DUSP19: variants seen among roughly 807,000 people sequenced by gnomAD.
DUSP19 encodes the protein dual specificity phosphatase 19.
A neutral mutation model predicts 16.6 loss-of-function variants in DUSP19; 14 were observed. The observed-to-expected ratio is 0.84, with a 90% CI of 0.56 to 1.32. The LOEUF (loss-of-function observed/expected upper bound fraction) is 1.32. DUSP19 is among the 40% of genes most tolerant of loss of function. The pLI, the probability that DUSP19 is intolerant of heterozygous loss-of-function variation, is 0.00. For missense variants in DUSP19, 258 were observed against 255.9 expected (o/e 1.01, Z -0.06); for synonymous variants, 81 against 90.5 (o/e 0.90, Z 0.59).
intron 2 of DUSP19, among the ~76,000 whole-genome samples, chr2:183,084,875 G>T (rs1365936939): frequency 6.6e-6 from 1 of 152,130 alleles, no homozygotes; most frequent in African/African-American, 2.4e-5. Flanking sequence ...GATGTGAGGG[G>T]TTTTTTAGAG....
chr2:183,084,625 C>T (rs1234829291), intron 2 of DUSP19, among the ~76,000 whole-genome samples: 1 of 151,926 alleles, frequency 6.6e-6, no homozygotes, highest in Non-Finnish European at 1.5e-5. Context: ...CCATGTAAGC[C>T]AAAGTTAGTT....
At chr2:183,086,206 A>T (rs1367348084) in intron 2 of DUSP19, among the ~76,000 whole-genome samples, 4 of 152,172 alleles carry the variant, frequency 2.6e-5, no homozygotes, top group African/African-American at 9.7e-5. Flanking sequence ...AGAGTTCATC[A>T]GGTGACTCTA....
chr2:183,094,306 A>G (rs1364030857), intron 3 of DUSP19, among the ~76,000 whole-genome samples: 2 of 152,180 alleles, frequency 1.3e-5, no homozygotes, highest in East Asian at 1.9e-4. Flanking sequence ...AAATAATCCA[A>G]TGAGTCATAA....
chr2:183,092,357 ATTAG>A (rs1291235617), intron 3 of DUSP19, among the ~76,000 whole-genome samples: 4 of 152,082 alleles, frequency 2.6e-5, no homozygotes, highest in African/African-American at 7.2e-5. Context: ...CCCAGCATGC[ATTAG>A]TTATTTTTCC....
Position 183,096,078 on chromosome 2 carries a change from T to C in DUSP19, c.*420T>C, listed in dbSNP as rs964928816. The C allele has an allele frequency of 6.5e-6, 1 of 152,894 alleles. No individual in the cohort carries two copies. The highest frequency in any genetic ancestry group is 2.4e-5 in the African/African-American group (1 of 41,458). 9.5% of individuals were successfully genotyped at this position (152,894 alleles called of 1,614,324 possible). A position where few individuals can be genotyped will look rare whatever the true frequency, so the allele number is the denominator to read the frequency against. On this transcript the variant is annotated 3_prime_UTR_variant, in exon 4 of 4. Transcript: ENST00000354221. ...TATTTCAAAGGGAAGTATATTTCTT[T>C]TTAAAGAATCTTTTTAAGATTAAAA...
At chr2:183,094,550 C>T (rs1326875816) in intron 3 of DUSP19, among the ~76,000 whole-genome samples, 1 of 152,140 alleles carries the variant, frequency 6.6e-6, no homozygotes, top group Non-Finnish European at 1.5e-5. Flanking sequence ...AGATCTATCA[C>T]ATTCATTATT....
At chr2:183,085,244 A>G (rs2105499027) in intron 2 of DUSP19, among the ~76,000 whole-genome samples, 1 of 152,316 alleles carries the variant, frequency 6.6e-6, no homozygotes, top group East Asian at 1.9e-4. Flanking sequence ...AAGAGGGCCT[A>G]TGACAGAATC....
Position 183,098,508 on chromosome 2 carries a change from A to G in DUSP19, c.*2850A>G, listed in dbSNP as rs1431842757. 2.0e-5 allele frequency: 3 copies of G among 152,178 alleles called. No homozygotes were observed. Among genetic ancestry groups the G allele is most frequent in the Non-Finnish European group, 4.4e-5 (3 of 68,040 alleles). 9.4% of individuals were successfully genotyped at this position (152,178 alleles called of 1,614,324 possible). ...CTTTATGATTACGGTCCTCTTTCTC[A>G]CATACTGCAAACTTAAAAGATACAT... On this transcript the variant is annotated 3_prime_UTR_variant, in exon 4 of 4. Coordinates refer to ENST00000354221, the MANE Select transcript of DUSP19 (RefSeq NM_080876.4).
intron 1 of DUSP19, among the ~76,000 whole-genome samples, chr2:183,080,475 G>A (rs770206426): frequency 3.3e-5 from 5 of 152,166 alleles, no homozygotes; most frequent in Non-Finnish European, 5.9e-5. Context: ...CAGTGAAAAA[G>A]TGAGTTATTT....
chr2:183,092,295 C>T lies in DUSP19; in HGVS notation c.427-3136C>T, dbSNP rs560588473. Among the ~76,000 whole-genome samples, 7 of 152,214 alleles carry T rather than the reference C, an allele frequency of 4.6e-5. No homozygotes were observed. The East Asian group carries it at 1.2e-3, about 25-fold the overall frequency. ...TGTGCAGGTTTGTTACATTGGTAAA[C>T]GTGTGCCATGGGGATTTGCTGCACT... On this transcript the variant is annotated intron_variant, in intron 3 of 3. Coordinates refer to ENST00000354221, the MANE Select transcript of DUSP19 (RefSeq NM_080876.4).
In DUSP19 at chr2:183,095,842, T is replaced by C. The variant is rs1699793858; in HGVS notation, c.*184T>C. The C allele has an allele frequency of 2.3e-6, 1 of 426,600 alleles. No individual in the cohort carries two copies. Among genetic ancestry groups the C allele is most frequent in the African/African-American group, 2.0e-5 (1 of 49,686 alleles). 26.4% of individuals were successfully genotyped at this position (426,600 alleles called of 1,614,324 possible). On this transcript the variant is annotated 3_prime_UTR_variant, in exon 4 of 4. Transcript: ENST00000354221. ...AAGTAAATTTCAAATGTCATTACTT[T>C]CTCTTTGTTATTATAATGTGTGATT...
At chr2:183,094,510 T>C (rs957340012) in intron 3 of DUSP19, among the ~76,000 whole-genome samples, 3 of 152,234 alleles carry the variant, frequency 2.0e-5, no homozygotes, top group African/African-American at 7.2e-5. Context: ...AAGCTTCAGA[T>C]AGGCCAAGCT....
intron 2 of DUSP19, among the ~76,000 whole-genome samples, chr2:183,083,772 T>G (rs1444245306): frequency 1.3e-5 from 2 of 152,216 alleles, no homozygotes; most frequent in African/African-American, 4.8e-5. Context: ...ATCTCCTTCA[T>G]GTACCCTCAT....
intron 1 of DUSP19, among the ~76,000 whole-genome samples, chr2:183,080,316 T>A (rs1699576007): frequency 6.6e-6 from 1 of 152,176 alleles, no homozygotes; most frequent in Admixed American, 6.5e-5. Flanking sequence ...TTGTAAAAGG[T>A]TTTTGATGCA....
chr2:183,083,344 T>G, intron 1 of DUSP19, 164 bp from the exon 2 acceptor site: 2 of 570,490 alleles, frequency 3.5e-6, no homozygotes, highest in Non-Finnish European at 6.1e-6. Flanking sequence ...AGTCCAGGAG[T>G]TTATGTAGGA....
At chr2:183,085,347 G>A (rs778194030) in intron 2 of DUSP19, among the ~76,000 whole-genome samples, 2 of 152,112 alleles carry the variant, frequency 1.3e-5, no homozygotes, top group Admixed American at 6.6e-5. Context: ...TCTAAAAGAG[G>A]CCCAAAGAAG....
chr2:183,079,122 C>T lies in DUSP19; in HGVS notation c.189C>T (p.Asp63=). 6.2e-7 allele frequency: 1 copy of T among 1,613,902 alleles called. No homozygotes were observed. Among genetic ancestry groups the T allele is most frequent in the Non-Finnish European group, 8.5e-7 (1 of 1,179,932 alleles). Residue 63 remains aspartate (D), a synonymous_variant, in exon 1 of 4, where the codon GAC becomes GAT. Coordinates refer to ENST00000354221, the MANE Select transcript of DUSP19 (RefSeq NM_080876.4). ...GCGYVQDLSS[D]LQVGVIKPWL... ...GTTATGTGCAGGACCTTAGCTCGGACCTGCAAGTTGGCGTTATTAAGCCAT... is the reference window on the plus strand; with the variant it reads ...GTTATGTGCAGGACCTTAGCTCGGATCTGCAAGTTGGCGTTATTAAGCCAT...
intron 3 of DUSP19, among the ~76,000 whole-genome samples, chr2:183,092,699 GTT>G (rs781697293): frequency 5.9e-5 from 7 of 119,150 alleles, no homozygotes; most frequent in Non-Finnish European, 1.0e-4. Flanking sequence ...TTCTGCCCAA[GTT>G]TTTTTTTTTT....
chr2:183,082,836 TCCTCCCTCCCTC>T (rs767449071), intron 1 of DUSP19, among the ~76,000 whole-genome samples: 16 of 144,436 alleles, frequency 1.1e-4, no homozygotes, highest in African/African-American at 5.2e-5. Flanking sequence ...GTTCCTTCCT[TCCTCCCTCCCTC>T]CCTCCCTCCC....
Sources: allele counts gnomAD v4.1 joint callset (sites outside exome capture counted in the v4.1 genomes callset), GRCh38; gene constraint gnomAD v4.1.1; transcripts MANE v1.5; gene names NCBI Gene and HGNC (gene_info 2026-07-23, HGNC 2026-07-21).